The following ARHGEF18 variants were observed in gnomAD, a reference collection of about 807,000 sequenced individuals.
ARHGEF18 encodes the protein rho guanine nucleotide exchange factor 18.
In ARHGEF18, 93 loss-of-function variants were observed where a neutral mutation model predicts 155.7. That is an observed-to-expected ratio of 0.60 (90% CI 0.50 to 0.71). The LOEUF (loss-of-function observed/expected upper bound fraction) is 0.71. ARHGEF18 is among the 30% of genes least tolerant of loss of function. The pLI is 0.00. For synonymous variants in ARHGEF18, 742 were observed against 753.1 expected (o/e 0.99, Z 0.24); for missense variants, 1,593 against 1,816.1 (o/e 0.88, Z 2.23).
rs1316271031 is a variant in ARHGEF18, at chr19:7,395,061, G to T, written c.967+11858G>T. ...GCCCTCGAGGGCACGCCTCCTTCCG[G>T]GTCACGCCCTCTGCCCCGCCTCCGA... On this transcript the variant is annotated intron_variant, in intron 10 of 28. Transcript: ENST00000668164. The surrounding 1 kb of genome is among the most constrained non-coding windows in gnomAD (Gnocchi z 5.0). 6 of 985,346 alleles carry T rather than the reference G, an allele frequency of 6.1e-6. No homozygotes were observed. Among genetic ancestry groups the T allele is most frequent in the Non-Finnish European group, 2.4e-6 (2 of 829,968 alleles). 61.0% of individuals were successfully genotyped at this position (985,346 alleles called of 1,614,324 possible). A position where few individuals can be genotyped will look rare whatever the true frequency, so the allele number is the denominator to read the frequency against.
chr19:7,419,479 G>C (rs1973226047), intron 10 of ARHGEF18, among the ~76,000 whole-genome samples: 1 of 151,656 alleles, frequency 6.6e-6, no homozygotes, highest in Non-Finnish European at 1.5e-5. Context: ...CACAGCCTGG[G>C]CAGCCCATCC....
chr19:7,383,135 A>T lies in ARHGEF18; in HGVS notation c.899A>T (p.Gln300Leu). The T allele has an allele frequency of 8.1e-7, 1 of 1,232,218 alleles. No homozygotes were observed. Among genetic ancestry groups the T allele is most frequent in the Non-Finnish European group, 1.0e-6 (1 of 988,078 alleles). The allele number at this position is 1,232,218 out of a possible 1,614,324, so 76.3% of individuals were successfully genotyped here. The change falls in exon 10 of 29, where the codon CAG becomes CTG. Residue 300 changes from glutamine (Q) to leucine (L), a missense_variant. Physicochemically the swap from Gln to Leu is moderately radical, Grantham distance 113. Transcript: ENST00000668164. Reference protein sequence around the residue: ...RERRECVNGHQLLQGTFSGPS... With the variant: ...RERRECVNGHLLLQGTFSGPS... ...AGGCGGGAGTGTGTCAATGGGCACC[A>T]GCTGTTGCAAGGGACCTTCTCCGGC...
At chr19:7,354,659 C>T (rs978327782) in intron 1 of ARHGEF18, among the ~76,000 whole-genome samples, 3 of 150,248 alleles carry the variant, frequency 2.0e-5, no homozygotes, top group Non-Finnish European at 4.5e-5. Flanking sequence ...CAGCACTTTG[C>T]GAGGCCGCGG....
intron 10 of ARHGEF18, among the ~76,000 whole-genome samples, chr19:7,384,491 C>T (rs1970893911): frequency 6.6e-6 from 1 of 152,208 alleles, no homozygotes; most frequent in South Asian, 2.1e-4. Context: ...GCTTTACCTG[C>T]TTCAGGCGTG....
In ARHGEF18 at chr19:7,362,768, C is replaced by T. The variant is rs1196491439; in HGVS notation, c.-110-13C>T. On this transcript the variant is annotated splice_polypyrimidine_tract_variant and intron_variant, in intron 1 of 28. Transcript: ENST00000668164. The stretch of plus-strand genomic sequence containing the variant: ...AGCTTATCCCTGACACCTTGTCCCT[C>T]CTTTCTCCACAGGCTCTGAGCCCAA... 8.1e-7 allele frequency: 1 copy of T among 1,233,556 alleles called. No individual in the cohort carries two copies. Among genetic ancestry groups the T allele is most frequent in the African/African-American group, 1.6e-5 (1 of 64,492 alleles). 76.4% of individuals were successfully genotyped at this position (1,233,556 alleles called of 1,614,324 possible). A position where few individuals can be genotyped will look rare whatever the true frequency, so the allele number is the denominator to read the frequency against.
rs35825715 is a variant in ARHGEF18 at position 7,433,507 on chromosome 19, CAAAAAAAA to C, written c.968-6819_968-6812del. On this transcript the variant is annotated intron_variant, in intron 10 of 28. Coordinates refer to ENST00000668164, the MANE Select transcript of ARHGEF18 (RefSeq NM_001367823.1). ...GGGTGACAGAGCAAGACTCCGTCTC[CAAAAAAAA>C]AAAAAAAAAAAAAAAAAGTGTATCA... Among the ~76,000 whole-genome samples, 130 of 58,316 alleles carry C rather than the reference CAAAAAAAA, an allele frequency of 2.2e-3. 1 individual carries two copies. Among genetic ancestry groups the C allele is most frequent in the Admixed American group, 8.7e-3 (32 of 3,662 alleles). The allele number at this position is 58,316 out of a possible 152,430, so 38.3% of individuals were successfully genotyped here.
chr19:7,366,832 A>G (rs1269854240), intron 2 of ARHGEF18, among the ~76,000 whole-genome samples: 1 of 151,986 alleles, frequency 6.6e-6, no homozygotes, highest in East Asian at 1.9e-4. Flanking sequence ...GTGTGATCAT[A>G]GCTCACTGCA....
At chr19:7,441,090 G>A (rs1344227035) in intron 11 of ARHGEF18, among the ~76,000 whole-genome samples, 1 of 151,456 alleles carries the variant, frequency 6.6e-6, no homozygotes, top group Non-Finnish European at 1.5e-5. Flanking sequence ...TCCACACCCC[G>A]TTAGAACGTA....
chr19:7,369,230 G>A (rs1970082641), intron 2 of ARHGEF18, among the ~76,000 whole-genome samples: 1 of 152,148 alleles, frequency 6.6e-6, no homozygotes, highest in Non-Finnish European at 1.5e-5. Flanking sequence ...GGGAGGCTGA[G>A]GCGGATGGAT....
chr19:7,375,383 AAAGG>A (rs1356782851), intron 3 of ARHGEF18, among the ~76,000 whole-genome samples: 6 of 114,982 alleles, frequency 5.2e-5, no homozygotes, highest in African/African-American at 1.5e-4. Context: ...GGAAGAAAGA[AAAGG>A]AAGGAAGGAA....
At chr19:7,406,161 AC>A (rs1178903993) in intron 10 of ARHGEF18, among the ~76,000 whole-genome samples, 1 of 151,460 alleles carries the variant, frequency 6.6e-6, no homozygotes, top group Non-Finnish European at 1.5e-5. Context: ...GCTCACTGCA[AC>A]CTCCACCATC....
chr19:7,455,804 G>A (rs987087663), intron 17 of ARHGEF18, among the ~76,000 whole-genome samples: 2 of 152,178 alleles, frequency 1.3e-5, no homozygotes, highest in African/African-American at 4.8e-5. Context: ...TTACATGGAT[G>A]GCAGCAGGCA....
intron 10 of ARHGEF18, among the ~76,000 whole-genome samples, chr19:7,429,066 C>T (rs999073602): frequency 2.0e-5 from 3 of 152,200 alleles, no homozygotes; most frequent in Admixed American, 6.6e-5. Context: ...GACTCTGACC[C>T]GGCCCCACAG....
chr19:7,444,123 T>C lies in ARHGEF18; in HGVS notation c.1361-81T>C, dbSNP rs1348098435. ...AACTCTCAGAAGCCAGTTCAGCACG[T>C]GAAGGGCAGGCAGCACCCACGACTG... On this transcript the variant is annotated intron_variant, in intron 13 of 28. Coordinates refer to ENST00000668164, the MANE Select transcript of ARHGEF18 (RefSeq NM_001367823.1). This position sits in a 1 kb window ranked among gnomAD's most constrained non-coding sequence, Gnocchi z 4.7. The C allele has an allele frequency of 1.9e-6, 3 of 1,559,446 alleles. No individual in the cohort carries two copies. The highest frequency in any genetic ancestry group is 2.7e-5 in the African/African-American group (2 of 73,696).
chr19:7,409,770 T>C (rs1370604532), intron 10 of ARHGEF18, among the ~76,000 whole-genome samples: 2 of 140,310 alleles, frequency 1.4e-5, no homozygotes, highest in Admixed American at 1.4e-4. Flanking sequence ...CTTTCTTTCT[T>C]TTTTTTTTTT....
chr19:7,417,641 G>A (rs1414789084), intron 10 of ARHGEF18, among the ~76,000 whole-genome samples: 2 of 152,176 alleles, frequency 1.3e-5, no homozygotes, highest in Admixed American at 1.3e-4. Flanking sequence ...AAGTTATAGT[G>A]AGCTGAGATC....
At chr19:7,459,113 C>T (rs113713873) in intron 19 of ARHGEF18, among the ~76,000 whole-genome samples, 4,313 of 151,976 alleles carry the variant, frequency 0.028, 193 homozygotes, top group African/African-American at 0.094. Flanking sequence ...GATGCAATCT[C>T]GGCTCACTGC....
chr19:7,477,208 G>T, downstream of ARHGEF18: 1 of 1,499,690 alleles, frequency 6.7e-7, no homozygotes, highest in Non-Finnish European at 8.9e-7. Context: ...AGTGTCAGGG[G>T]GTAGTGGCCT....
intron 22 of ARHGEF18, 39 bp from the exon 23 acceptor site, chr19:7,464,521 G>T: frequency 6.3e-7 from 1 of 1,584,768 alleles, no homozygotes; most frequent in South Asian, 1.1e-5. Context: ...CTCCCCACGG[G>T]ATGGCAGCAT....
Sources: gnomAD v4.1 joint callset for allele counts (sites outside exome capture counted in the v4.1 genomes callset) on GRCh38, gnomAD v4.1.1 for gene constraint, Gnocchi (gnomAD v3.1) non-coding constraint, MANE v1.5 for transcripts, NCBI Gene and HGNC (gene_info 2026-07-23, HGNC 2026-07-21) for gene names.